CSMD1: variants seen among roughly 807,000 people sequenced by gnomAD.
CSMD1 encodes CUB and sushi domain-containing protein 1.
In CSMD1, 213 loss-of-function variants were observed where a neutral mutation model predicts 417.5. The observed-to-expected ratio is 0.51, with a 90% CI of 0.46 to 0.57. CSMD1 has a LOEUF of 0.57. Among genes scored for constraint, CSMD1 ranks in the 20% least tolerant of loss-of-function variants. CSMD1 has a pLI of 0.00. For synonymous variants in CSMD1, 2,862 were observed against 1,736.8 expected, an observed-to-expected ratio of 1.65 and a Z score of -16.11; for missense variants, 6,923 against 4,529.7, an observed-to-expected ratio of 1.53 and a Z score of -15.17.
intron 3 of CSMD1, among the ~76,000 whole-genome samples, chr8:4,254,084 T>A (rs1490357814): frequency 6.6e-6 from 1 of 151,684 alleles, no homozygotes; most frequent in Non-Finnish European, 1.5e-5. Flanking sequence ...GCCTGGCTAA[T>A]TTTTTTGTGT....
intron 2 of CSMD1, among the ~76,000 whole-genome samples, chr8:4,469,045 T>C (rs56399018): frequency 0.15 from 22,508 of 152,188 alleles, 2,056 homozygotes; most frequent in South Asian, 0.26. Context: ...ACTCTCTAAA[T>C]GAAATTTTAA....
chr8:4,466,524 G>GTTT (rs1800180524), intron 2 of CSMD1, among the ~76,000 whole-genome samples: 1 of 152,152 alleles, frequency 6.6e-6, no homozygotes, highest in Non-Finnish European at 1.5e-5. Flanking sequence ...GAAGGCAATG[G>GTTT]AAAGCTGTGT....
intron 5 of CSMD1, among the ~76,000 whole-genome samples, chr8:3,915,158 C>T (rs1451049745): frequency 2.6e-5 from 4 of 152,012 alleles, no homozygotes; most frequent in Non-Finnish European, 4.4e-5. Context: ...GTAATCCCAG[C>T]CCTTTGGGAG....
intron 5 of CSMD1, among the ~76,000 whole-genome samples, chr8:3,929,474 G>A (rs1809985870): frequency 6.7e-6 from 1 of 150,340 alleles, no homozygotes. Context: ...AGCTACAGGT[G>A]CTGTCTCTGA....
intron 12 of CSMD1, among the ~76,000 whole-genome samples, chr8:3,411,736 G>C (rs1224138198): frequency 7.9e-6 from 1 of 126,558 alleles, no homozygotes; most frequent in Non-Finnish European, 1.6e-5. Flanking sequence ...ATATATACAC[G>C]TGTATATATA....
chr8:3,200,080 A>G (rs1485436682), intron 32 of CSMD1, among the ~76,000 whole-genome samples: 2 of 152,146 alleles, frequency 1.3e-5, no homozygotes, highest in Non-Finnish European at 2.9e-5. Context: ...TGGTAGGCCT[A>G]TATAATAGAG....
chr8:4,359,136 T>C (rs1046100702), intron 3 of CSMD1, among the ~76,000 whole-genome samples: 1 of 152,078 alleles, frequency 6.6e-6, no homozygotes, highest in Non-Finnish European at 1.5e-5. Context: ...GAAGGCAGAG[T>C]TGTAGCCCAG....
At chr8:3,848,805 C>G (rs74563289) in intron 5 of CSMD1, among the ~76,000 whole-genome samples, 1 of 151,448 alleles carries the variant, frequency 6.6e-6, no homozygotes, top group East Asian at 1.9e-4. Flanking sequence ...TGATTAGCAG[C>G]GATTTTAAAG....
intron 2 of CSMD1, among the ~76,000 whole-genome samples, chr8:4,490,190 G>A (rs141903914): frequency 3.9e-5 from 6 of 152,056 alleles, no homozygotes; most frequent in East Asian, 3.9e-4. Context: ...ACAGGTGCCC[G>A]CCACTGCAGC....
At chr8:4,525,945 T>C (rs550021709) in intron 2 of CSMD1, among the ~76,000 whole-genome samples, 11 of 152,280 alleles carry the variant, frequency 7.2e-5, no homozygotes, top group South Asian at 4.2e-4. Context: ...AGAATATCCA[T>C]GATAGATCTG....
In CSMD1 at chr8:4,144,309, A is replaced by T. The variant is rs1803978826; in HGVS notation, c.416-112210T>A. 1.3e-5 allele frequency among the ~76,000 whole-genome samples: 2 copies of T among 151,082 alleles called. 1 individual carries two copies. Among genetic ancestry groups the T allele is most frequent in the African/African-American group, 4.9e-5 (2 of 40,428 alleles). Reference sequence around the variant, plus strand: ...CCACTTAAACAGGATACCCCACTTAAACATGTCCTGGCCATATTCATTCTA... The same window carrying T: ...CCACTTAAACAGGATACCCCACTTATACATGTCCTGGCCATATTCATTCTA... On this transcript the variant is annotated intron_variant, in intron 3 of 69. Coordinates refer to ENST00000635120, the MANE Select transcript of CSMD1 (RefSeq NM_033225.6).
At chr8:4,918,149 A>T (rs1806194475) in intron 1 of CSMD1, among the ~76,000 whole-genome samples, 1 of 152,186 alleles carries the variant, frequency 6.6e-6, no homozygotes, top group Admixed American at 6.5e-5. Context: ...TCTTCCTTTG[A>T]ATGGAATCCC....
chr8:4,264,655 C>G (rs1804122098), intron 3 of CSMD1, among the ~76,000 whole-genome samples: 1 of 152,118 alleles, frequency 6.6e-6, no homozygotes, highest in Admixed American at 6.5e-5. Flanking sequence ...ACATGACAGC[C>G]ATATTCACCG....
intron 53 of CSMD1, among the ~76,000 whole-genome samples, chr8:2,999,410 T>A (rs1465534651): frequency 6.6e-6 from 1 of 152,110 alleles, no homozygotes; most frequent in East Asian, 1.9e-4. Context: ...TGCCTCAGCC[T>A]CCCAAAGTGC....
At chr8:4,097,394 T>G (rs574586635) in intron 3 of CSMD1, among the ~76,000 whole-genome samples, 1 of 152,210 alleles carries the variant, frequency 6.6e-6, no homozygotes, top group African/African-American at 2.4e-5. Flanking sequence ...TTATAAGAAT[T>G]AAACAGACCA....
chr8:4,745,888 C>T (rs1489793645), intron 1 of CSMD1, among the ~76,000 whole-genome samples: 4 of 152,180 alleles, frequency 2.6e-5, no homozygotes, highest in Non-Finnish European at 5.9e-5. Flanking sequence ...TTGATCCAGG[C>T]TCAGCCACTT....
chr8:3,093,797 G>A (rs906337619), intron 47 of CSMD1, among the ~76,000 whole-genome samples: 1 of 152,150 alleles, frequency 6.6e-6, no homozygotes, highest in Non-Finnish European at 1.5e-5. Flanking sequence ...AAATAATCGG[G>A]CAATGCTGAC....
At chr8:4,713,000 T>C (rs573539194) in intron 1 of CSMD1, among the ~76,000 whole-genome samples, 2 of 152,340 alleles carry the variant, frequency 1.3e-5, no homozygotes, top group South Asian at 4.1e-4. Context: ...GTAATATTAA[T>C]GATATTAGGC....
chr8:3,482,878 T>C (rs10096380), intron 11 of CSMD1, among the ~76,000 whole-genome samples: 98,861 of 151,564 alleles, frequency 0.65, 32,717 homozygotes, highest in Middle Eastern at 0.78. Context: ...TTCTAAATAA[T>C]CCATGATTCA....
Sources: allele counts gnomAD v4.1 joint callset (sites outside exome capture counted in the v4.1 genomes callset), GRCh38; gene constraint gnomAD v4.1.1; transcripts MANE v1.5; gene names NCBI Gene and HGNC (gene_info 2026-07-23, HGNC 2026-07-21).